Variants in SH3RF3 observed in about 807,000 individuals in gnomAD.
SH3RF3 encodes the protein E3 ubiquitin-protein ligase SH3RF3.
A neutral mutation model predicts 66.3 loss-of-function variants in SH3RF3; 29 were observed. That is an observed-to-expected ratio of 0.44 (90% CI 0.33 to 0.60). The LOEUF is 0.60. SH3RF3 is among the 20% of genes least tolerant of loss of function. SH3RF3 has a pLI of 0.04. For synonymous variants in SH3RF3, 583 were observed against 532.0 expected (o/e 1.10, Z -1.32); for missense variants, 1,194 against 1,190.9 (o/e 1.00, Z -0.04).
intron 1 of SH3RF3, among the ~76,000 whole-genome samples, chr2:109,268,809 GT>G (rs1195846271): frequency 6.6e-6 from 1 of 152,112 alleles, no homozygotes; most frequent in Non-Finnish European, 1.5e-5. Flanking sequence ...TTCTGAGCAT[GT>G]TTAAGGTGAG....
intron 2 of SH3RF3, among the ~76,000 whole-genome samples, chr2:109,350,736 A>G (rs1263138744): frequency 6.6e-6 from 1 of 152,162 alleles, no homozygotes; most frequent in Non-Finnish European, 1.5e-5. Flanking sequence ...GGCTCTGACA[A>G]CCTCCATGTG....
At position 109,314,481 on chromosome 2, in the gene SH3RF3, G is replaced by A. The variant is rs561202989; in HGVS notation, c.574-33193G>A. Among the ~76,000 whole-genome samples the A allele has an allele frequency of 2.0e-3, 312 of 152,266 alleles. 1 individual carries two copies. Among genetic ancestry groups the A allele is most frequent in the African/African-American group, 6.9e-3 (285 of 41,544 alleles). On this transcript the variant is annotated intron_variant, in intron 1 of 9. Transcript: ENST00000309415. Reference sequence around the variant, plus strand: ...GGGGAAAGCAGGTCAGCCTGAAACGGCATGACCTTTGATGTCACCTCCGTG... The same window carrying A: ...GGGGAAAGCAGGTCAGCCTGAAACGACATGACCTTTGATGTCACCTCCGTG...
chr2:109,356,177 G>A (rs1162705382), intron 2 of SH3RF3, among the ~76,000 whole-genome samples: 1 of 152,020 alleles, frequency 6.6e-6, no homozygotes, highest in African/African-American at 2.4e-5. Flanking sequence ...TTAGGTACAG[G>A]GAGTGGCTGA....
At chr2:109,441,820 A>G (rs1326503377) in intron 7 of SH3RF3, among the ~76,000 whole-genome samples, 2 of 152,232 alleles carry the variant, frequency 1.3e-5, no homozygotes, top group Admixed American at 6.5e-5. Flanking sequence ...GATACATTAC[A>G]TGAAATAGAA....
intron 1 of SH3RF3, among the ~76,000 whole-genome samples, chr2:109,329,788 C>A (rs1239248195): frequency 2.0e-5 from 3 of 152,222 alleles, no homozygotes; most frequent in African/African-American, 7.2e-5. Flanking sequence ...ATAGGCCCAG[C>A]CTCACTTTCA....
At chr2:109,478,021 AT>A (rs1678735690) in intron 8 of SH3RF3, among the ~76,000 whole-genome samples, 1 of 152,210 alleles carries the variant, frequency 6.6e-6, no homozygotes. Context: ...TATTACTGGA[AT>A]GATTAGAAAG....
At chr2:109,289,817 C>G (rs547176129) in intron 1 of SH3RF3, among the ~76,000 whole-genome samples, 1 of 152,144 alleles carries the variant, frequency 6.6e-6, no homozygotes, top group African/African-American at 2.4e-5. Context: ...CTGGGGAAAT[C>G]GGGAAATCAA....
chr2:109,206,551 A>G (rs1372114140), intron 1 of SH3RF3, among the ~76,000 whole-genome samples: 1 of 148,930 alleles, frequency 6.7e-6, no homozygotes, highest in African/African-American at 2.5e-5. Flanking sequence ...GCTCACACCT[A>G]TAATCCCAGC....
chr2:109,419,630 T>A lies in SH3RF3; in HGVS notation c.1391T>A (p.Leu464Gln). Residue 464 changes from leucine to glutamine, a missense_variant, in exon 5 of 10, where the codon CTG (leucine) becomes CAG (glutamine). Coordinates refer to ENST00000309415, the MANE Select transcript of SH3RF3 (RefSeq NM_001099289.3). ...CAGGGCACGCCTCCCAAGGTCCAGC[T>A]GCCCCTCAACGTGTGAGCTGCCCTT... ...GEQGTPPKVQ[L>Q]PLNVYLALYA... 1 of 1,581,570 alleles carries A rather than the reference T, an allele frequency of 6.3e-7. No individual in the cohort carries two copies. The highest frequency in any genetic ancestry group is 2.3e-5 in the East Asian group (1 of 43,448).
intron 1 of SH3RF3, among the ~76,000 whole-genome samples, chr2:109,146,799 A>G (rs1175922051): frequency 2.5e-5 from 1 of 39,936 alleles, no homozygotes; most frequent in African/African-American, 1.0e-4. Context: ...TGCCCCCCCC[A>G]TTCCTTCTGT....
chr2:109,166,150 T>C (rs1273664725), intron 1 of SH3RF3, among the ~76,000 whole-genome samples: 1 of 152,166 alleles, frequency 6.6e-6, no homozygotes, highest in Non-Finnish European at 1.5e-5. Flanking sequence ...CTTCTTAATA[T>C]GGTTGGCTTT....
intron 1 of SH3RF3, among the ~76,000 whole-genome samples, chr2:109,136,655 C>G (rs369244157): frequency 6.6e-6 from 1 of 152,150 alleles, no homozygotes; most frequent in African/African-American, 2.4e-5. Context: ...AGAGTCACTG[C>G]GCTCTTGGGT....
chr2:109,445,294 A>G (rs1316798462), intron 7 of SH3RF3, among the ~76,000 whole-genome samples: 4 of 152,224 alleles, frequency 2.6e-5, no homozygotes, highest in East Asian at 3.8e-4. Flanking sequence ...GAATTCTCCA[A>G]AATTGAAGAG....
intron 1 of SH3RF3, among the ~76,000 whole-genome samples, chr2:109,262,557 A>C (rs1249605524): frequency 6.6e-6 from 1 of 152,146 alleles, no homozygotes; most frequent in Non-Finnish European, 1.5e-5. Flanking sequence ...TTCTTGTTTT[A>C]TTATTTTACG....
At position 109,335,576 on chromosome 2, in the gene SH3RF3, G is replaced by A. The variant is rs530373998; in HGVS notation, c.574-12098G>A. On this transcript the variant is annotated intron_variant, in intron 1 of 9. Transcript: ENST00000309415. ...TCCCAGTGTTCATGTCCCCTCCCCT[G>A]GTTTATGTGTCCCCTTAGCACTTAA... Among the ~76,000 whole-genome samples the A allele has an allele frequency of 2.0e-5, 3 of 152,152 alleles. No homozygotes were observed. In the South Asian group the frequency reaches 6.2e-4, roughly 32 times the overall value.
At chr2:109,251,729 A>G in intron 1 of SH3RF3, 1 of 695,138 alleles carries the variant, frequency 1.4e-6, no homozygotes, top group East Asian at 2.6e-5. Context: ...TAGGTCGTGT[A>G]CATTTTCATA....
chr2:109,278,683 A>G (rs923190583), intron 1 of SH3RF3, among the ~76,000 whole-genome samples: 1 of 152,184 alleles, frequency 6.6e-6, no homozygotes, highest in Non-Finnish European at 1.5e-5. Context: ...GCTGAATTTT[A>G]CCTTCTTTGG....
chr2:109,150,815 G>A (rs187104638), intron 1 of SH3RF3, among the ~76,000 whole-genome samples: 9 of 152,164 alleles, frequency 5.9e-5, no homozygotes, highest in African/African-American at 1.9e-4. Flanking sequence ...TTCAGACTTG[G>A]GGAGAAATTA....
chr2:109,408,800 A>G (rs1458637035), intron 4 of SH3RF3, among the ~76,000 whole-genome samples: 1 of 152,208 alleles, frequency 6.6e-6, no homozygotes, highest in South Asian at 2.1e-4. Flanking sequence ...GTGGATGAAT[A>G]TTGTGCCTTT....
Sources: allele counts gnomAD v4.1 joint callset (sites outside exome capture counted in the v4.1 genomes callset), GRCh38; gene constraint gnomAD v4.1.1; transcripts MANE v1.5; gene names NCBI Gene and HGNC (gene_info 2026-07-23, HGNC 2026-07-21).